The following ATP11C variants were observed in gnomAD, a reference collection of about 807,000 sequenced individuals.
The protein encoded by ATP11C is phospholipid-transporting ATPase IG.
ATP11C carries 36 observed loss-of-function variants against 97.4 expected under a neutral mutation model. The observed-to-expected ratio is 0.37, with a 90% CI of 0.28 to 0.49. The LOEUF (loss-of-function observed/expected upper bound fraction) is 0.49, where lower values mean the gene tolerates loss of function less well. Ranked by LOEUF, ATP11C falls within the 20% of genes least tolerant of loss-of-function variation. The pLI is 0.98. For missense variants in ATP11C, 730 were observed against 824.6 expected, an observed-to-expected ratio of 0.89 and a Z score of 1.40; for synonymous variants, 275 against 290.9, an observed-to-expected ratio of 0.95 and a Z score of 0.56.
intron 1 of ATP11C, among the ~76,000 whole-genome samples, chrX:139,856,086 C>T (rs927486162): frequency 8.9e-6 from 1 of 112,608 alleles, no homozygotes; most frequent in African/African-American, 3.2e-5. Flanking sequence ...TCAAAAATTC[C>T]GACCACACGT....
chrX:139,898,861 G>A (rs1409145640), intron 1 of ATP11C, among the ~76,000 whole-genome samples: 4 of 111,717 alleles, frequency 3.6e-5, no homozygotes, highest in Admixed American at 9.6e-5. Context: ...ATAGAGTACA[G>A]TATGGAAAGA....
chrX:139,774,273 G>A (rs1603356023), intron 19 of ATP11C, among the ~76,000 whole-genome samples: 2 of 111,769 alleles, frequency 1.8e-5, no homozygotes, highest in East Asian at 5.6e-4. Flanking sequence ...TGGAGCTCTG[G>A]GGTATAAAAA....
intron 1 of ATP11C, among the ~76,000 whole-genome samples, chrX:139,886,902 T>G (rs914440097): frequency 7.4e-5 from 8 of 108,661 alleles, no homozygotes; most frequent in African/African-American, 2.7e-4. Flanking sequence ...CTAAACAATT[T>G]TGTAAAAAAA....
chrX:139,760,749 T>A (rs980003840), intron 22 of ATP11C, among the ~76,000 whole-genome samples: 2 of 111,720 alleles, frequency 1.8e-5, no homozygotes, highest in African/African-American at 6.5e-5. Flanking sequence ...TACTTCAGTG[T>A]CCAATATTGG....
At chrX:139,789,179 G>C (rs970912035) in intron 13 of ATP11C, 148 bp downstream of exon 13, 2 of 395,425 alleles carry the variant, frequency 5.1e-6, no homozygotes, top group Non-Finnish European at 8.2e-6. Context: ...CTCCAGCCTG[G>C]GCAACAGAGT....
At chrX:139,909,438 T>C (rs1246567224) in intron 1 of ATP11C, among the ~76,000 whole-genome samples, 1 of 111,454 alleles carries the variant, frequency 9.0e-6, no homozygotes, top group Non-Finnish European at 1.9e-5. Flanking sequence ...CGGCCCACAC[T>C]GTTTTTAAAT....
intron 5 of ATP11C, among the ~76,000 whole-genome samples, chrX:139,807,618 G>C (rs751959012): frequency 1.8e-5 from 2 of 111,856 alleles, no homozygotes; most frequent in Non-Finnish European, 3.8e-5. Flanking sequence ...TCCAGATTTT[G>C]TAATTATGAA....
At chrX:139,828,274 A>T (rs2083572350) in intron 1 of ATP11C, among the ~76,000 whole-genome samples, 1 of 111,875 alleles carries the variant, frequency 8.9e-6, no homozygotes, top group African/African-American at 3.2e-5. Flanking sequence ...TCATAGATAA[A>T]TTTTCACACA....
At chrX:139,870,933 G>C (rs1432196833) in intron 1 of ATP11C, among the ~76,000 whole-genome samples, 1 of 108,128 alleles carries the variant, frequency 9.2e-6, no homozygotes, top group African/African-American at 3.4e-5. Context: ...GCGGGCGCCT[G>C]TAGTCCCAGC....
chrX:139,874,092 G>T (rs985414438), intron 1 of ATP11C, among the ~76,000 whole-genome samples: 60 of 106,600 alleles, frequency 5.6e-4, no homozygotes, highest in Non-Finnish European at 1.5e-4. Context: ...ACCCAGGCTG[G>T]AGTGCAATGG....
chrX:139,874,398 G>A (rs1176991271), intron 1 of ATP11C, among the ~76,000 whole-genome samples: 2 of 109,665 alleles, frequency 1.8e-5, no homozygotes, highest in Admixed American at 9.8e-5. Flanking sequence ...GATAATACCT[G>A]TACAGTGCAC....
intron 1 of ATP11C, among the ~76,000 whole-genome samples, chrX:139,865,592 T>C (rs1265310481): frequency 9.2e-6 from 1 of 109,224 alleles, no homozygotes; most frequent in African/African-American, 3.3e-5. Flanking sequence ...AAACCCTATC[T>C]CTACTAAAAA....
At chrX:139,806,308 T>C (rs2083041099) in intron 5 of ATP11C, among the ~76,000 whole-genome samples, 1 of 111,498 alleles carries the variant, frequency 9.0e-6, no homozygotes, top group Non-Finnish European at 1.9e-5. Context: ...CAATGAACTC[T>C]AGAGGTCTAT....
chrX:139,896,836 T>C (rs2084817706), intron 1 of ATP11C, among the ~76,000 whole-genome samples: 1 of 110,405 alleles, frequency 9.1e-6, no homozygotes, highest in Admixed American at 9.8e-5. Context: ...CTCGAACTCC[T>C]GACCTCAAGG....
At chrX:139,926,273 T>C (rs2085350459) in intron 1 of ATP11C, among the ~76,000 whole-genome samples, 1 of 111,716 alleles carries the variant, frequency 9.0e-6, no homozygotes, top group Non-Finnish European at 1.9e-5. Context: ...GCACTACAGA[T>C]GTACAGGAAA....
At chrX:139,799,644 C>CTTTTTTTTTTT (rs754371113) in intron 8 of ATP11C, among the ~76,000 whole-genome samples, 4 of 60,368 alleles carry the variant, frequency 6.6e-5, no homozygotes, top group Non-Finnish European at 1.1e-4. Flanking sequence ...CTTTATATTC[C>CTTTTTTTTTTT]TTTTTTTTTT....
At chrX:139,848,281 AC>A in intron 1 of ATP11C, among the ~76,000 whole-genome samples, 1 of 110,247 alleles carries the variant, frequency 9.1e-6, no homozygotes, top group East Asian at 2.8e-4. Context: ...TGCAACACCC[AC>A]CCCAATCCAG....
intron 25 of ATP11C, among the ~76,000 whole-genome samples, chrX:139,744,543 C>G (rs1479546717): frequency 1.8e-5 from 2 of 112,078 alleles, no homozygotes; most frequent in Non-Finnish European, 3.8e-5. Context: ...GGAGCAAACT[C>G]CTTTTAAGCA....
chrX:139,801,392 G>A (rs1028010102), intron 7 of ATP11C, among the ~76,000 whole-genome samples: 6 of 111,765 alleles, frequency 5.4e-5, no homozygotes, highest in African/African-American at 2.0e-4. Flanking sequence ...AAGGGAAAGA[G>A]GAAAGAAAAA....
Sources: gnomAD v4.1 joint callset for allele counts (sites outside exome capture counted in the v4.1 genomes callset) on GRCh38, gnomAD v4.1.1 for gene constraint, MANE v1.5 for transcripts, NCBI Gene and HGNC (gene_info 2026-07-23, HGNC 2026-07-21) for gene names.